The following IFFO2 variants were observed in gnomAD, a reference collection of about 807,000 sequenced individuals.
IFFO2 encodes intermediate filament family orphan 2.
In IFFO2, 19 loss-of-function variants were observed where a neutral mutation model predicts 53.5. The ratio of observed to expected loss-of-function variants is 0.36; its 90% CI spans 0.25 to 0.52. IFFO2 has a LOEUF of 0.52. Among genes scored for constraint, IFFO2 ranks in the 20% least tolerant of loss-of-function variants. The pLI is 0.94. For synonymous variants in IFFO2, 303 were observed against 313.6 expected, an observed-to-expected ratio of 0.97 and a Z score of 0.36; for missense variants, 570 against 727.4, an observed-to-expected ratio of 0.78 and a Z score of 2.49.
chr1:18,930,506 C>T (rs115797538), intron 1 of IFFO2, among the ~76,000 whole-genome samples: 1,954 of 152,306 alleles, frequency 0.013, 14 homozygotes, highest in Non-Finnish European at 0.021. Flanking sequence ...ACAGAACCCC[C>T]GTCAGCAAAA....
chr1:18,918,904 A>T lies in IFFO2; in HGVS notation c.823-402T>A, dbSNP rs1201989624. 6.6e-6 allele frequency among the ~76,000 whole-genome samples: 1 copy of T among 152,048 alleles called. No individual in the cohort carries two copies. Among genetic ancestry groups the T allele is most frequent in the Non-Finnish European group, 1.5e-5 (1 of 67,970 alleles). Reference sequence around the variant, plus strand: ...AGCTCTCTCTCCTGGATGCCTCCCAAGGCCGGCAGTGGGAGTCACTGAGGA... The same window carrying T: ...AGCTCTCTCTCCTGGATGCCTCCCATGGCCGGCAGTGGGAGTCACTGAGGA... On this transcript the variant is annotated intron_variant, in intron 3 of 8. Transcript: ENST00000455833. The surrounding 1 kb of genome is among the most constrained non-coding windows in gnomAD (Gnocchi z 5.2).
At chr1:18,927,085 G>A (rs1936312082) in intron 1 of IFFO2, among the ~76,000 whole-genome samples, 1 of 152,132 alleles carries the variant, frequency 6.6e-6, no homozygotes, top group Non-Finnish European at 1.5e-5. Flanking sequence ...TCTGTGAGTT[G>A]GGAAACCAGC....
chr1:18,918,993 G>C lies in IFFO2; in HGVS notation c.823-491C>G, dbSNP rs1936175304. ...CCCAGTGGCCTCCAACTAGGGTCCT[G>C]GGAGGCTTCTACCAACCACACCCAG... On this transcript the variant is annotated intron_variant, in intron 3 of 8. Coordinates refer to ENST00000455833, the MANE Select transcript of IFFO2 (RefSeq NM_001136265.2). This position sits in a 1 kb window ranked among gnomAD's most constrained non-coding sequence, Gnocchi z 5.2. 6.6e-6 allele frequency among the ~76,000 whole-genome samples: 1 copy of C among 152,084 alleles called. No individual in the cohort carries two copies. The highest frequency in any genetic ancestry group is 6.5e-5 in the Admixed American group (1 of 15,276).
In IFFO2 at chr1:18,955,949, G is replaced by A. The variant is rs1010336831; in HGVS notation, c.384C>T (p.Gly128=). Reference sequence around the variant, plus strand: ...CATTGGCGTTGGCGCCGGCCGCCGCGCCACTGCTGAGGCCGTGCCCGCCGC... The same window carrying A: ...CATTGGCGTTGGCGCCGGCCGCCGCACCACTGCTGAGGCCGTGCCCGCCGC... ...APGGGHGLSS[G]AAAGANANAV... Residue 128 remains glycine (G), a synonymous_variant, in exon 1 of 9, where the codon GGC becomes GGT. Transcript: ENST00000455833. 16 of 1,263,072 alleles carry A rather than the reference G, an allele frequency of 1.3e-5. No individual in the cohort carries two copies. The highest frequency in any genetic ancestry group is 1.6e-5 in the Non-Finnish European group (16 of 1,008,678). 78.2% of individuals were successfully genotyped at this position (1,263,072 alleles called of 1,614,324 possible). A position where few individuals can be genotyped will look rare whatever the true frequency, so the allele number is the denominator to read the frequency against.
At chr1:18,953,556 G>C (rs755938195) in intron 1 of IFFO2, among the ~76,000 whole-genome samples, 1 of 152,110 alleles carries the variant, frequency 6.6e-6, no homozygotes, top group Non-Finnish European at 1.5e-5. Context: ...TTCAAGGACC[G>C]CAATTCTAGC....
chr1:18,929,260 G>A (rs6674337), intron 1 of IFFO2, among the ~76,000 whole-genome samples: 49,354 of 152,120 alleles, frequency 0.32, 10,558 homozygotes, highest in African/African-American at 0.61. Flanking sequence ...GGATGGATCA[G>A]GAGAGCAGGC....
At chr1:18,922,116 A>C (rs1936224174) in intron 1 of IFFO2, among the ~76,000 whole-genome samples, 1 of 152,176 alleles carries the variant, frequency 6.6e-6, no homozygotes, top group African/African-American at 2.4e-5. Context: ...AGGGTGAGAT[A>C]GTGTGGAACT....
rs887361026 is a variant in IFFO2 at position 18,917,999 on chromosome 1, A to C, written c.963+363T>G. ...TTCCCCAACCGTGGGGATGATGCCC[A>C]GTTCTGGCACCCAGAGGAAGGGGCA... On this transcript the variant is annotated intron_variant, in intron 4 of 8. Transcript: ENST00000455833. This position sits in a 1 kb window ranked among gnomAD's most constrained non-coding sequence, Gnocchi z 5.9. Among the ~76,000 whole-genome samples the C allele has an allele frequency of 6.6e-6, 1 of 152,182 alleles. No homozygotes were observed. Among genetic ancestry groups the C allele is most frequent in the African/African-American group, 2.4e-5 (1 of 41,442 alleles).
chr1:18,945,006 C>A (rs944008275), intron 1 of IFFO2, among the ~76,000 whole-genome samples: 3 of 152,146 alleles, frequency 2.0e-5, no homozygotes, highest in African/African-American at 7.2e-5. Context: ...GGCTCAAGCC[C>A]GGGCACCAGG....
rs927813927 is a variant in IFFO2 at position 18,917,936 on chromosome 1, G to A, written c.963+426C>T. ...TCTGAGGCCCCTCTACCAGAGCTCA[G>A]GCCAGCTCCCCCACTTCTCCCCATA... On this transcript the variant is annotated intron_variant, in intron 4 of 8. Transcript: ENST00000455833. The surrounding 1 kb of genome is among the most constrained non-coding windows in gnomAD (Gnocchi z 5.9). Among the ~76,000 whole-genome samples the A allele has an allele frequency of 6.6e-6, 1 of 152,208 alleles. No individual in the cohort carries two copies. Among genetic ancestry groups the A allele is most frequent in the African/African-American group, 2.4e-5 (1 of 41,456 alleles).
In IFFO2 at chr1:18,935,919, T is replaced by C. The variant is rs571600252; in HGVS notation, c.666-14798A>G. 2.0e-5 allele frequency among the ~76,000 whole-genome samples: 3 copies of C among 147,514 alleles called. No homozygotes were observed. The South Asian group carries it at 6.6e-4, about 32-fold the overall frequency. On this transcript the variant is annotated intron_variant, in intron 1 of 8. Coordinates refer to ENST00000455833, the MANE Select transcript of IFFO2 (RefSeq NM_001136265.2). ...ACAAGGTCTCACTATGTTGCCCAGA[T>C]TGGTCTCAAACTCCTGGGCTGAAGC... is the stretch of plus-strand genomic sequence containing the variant.
chr1:18,923,337 C>T (rs761079710), intron 1 of IFFO2, among the ~76,000 whole-genome samples: 2 of 152,300 alleles, frequency 1.3e-5, no homozygotes, highest in East Asian at 1.9e-4. Flanking sequence ...ATGAGGAAGG[C>T]GAGGCAGGGG....
In IFFO2 at chr1:18,919,502, G is replaced by A. The variant is rs59133926; in HGVS notation, c.822+176C>T. ...AGGGAAGCAGAAGTGGGGAGGGGGC[G>A]GGAGGAGGGTGCCTGGTCTCCGATG... On this transcript the variant is annotated intron_variant, in intron 3 of 8. Coordinates refer to ENST00000455833, the MANE Select transcript of IFFO2 (RefSeq NM_001136265.2). The surrounding 1 kb of genome is among the most constrained non-coding windows in gnomAD (Gnocchi z 4.9). Among the ~76,000 whole-genome samples, 10,393 of 152,028 alleles carry A rather than the reference G, an allele frequency of 0.068. 941 individuals carry two copies. The highest frequency in any genetic ancestry group is 0.21 in the African/African-American group (8,525 of 41,412).
intron 2 of IFFO2, among the ~76,000 whole-genome samples, chr1:18,920,527 G>T (rs1936201948): frequency 6.6e-6 from 1 of 152,216 alleles, no homozygotes; most frequent in Non-Finnish European, 1.5e-5. Flanking sequence ...TGCTGCCCAG[G>T]TTACACCGCA....
chr1:18,949,992 G>C (rs538670434), intron 1 of IFFO2, among the ~76,000 whole-genome samples: 8 of 152,204 alleles, frequency 5.3e-5, no homozygotes, highest in Non-Finnish European at 1.0e-4. Flanking sequence ...TCTGAGAATC[G>C]CTCCCAAATT....
intron 1 of IFFO2, among the ~76,000 whole-genome samples, chr1:18,925,889 A>ATGGT (rs1936280623): frequency 3.7e-5 from 1 of 26,804 alleles, no homozygotes; most frequent in African/African-American, 1.6e-4. Flanking sequence ...GGATGGATGG[A>ATGGT]TGGATTGGAT....
At chr1:18,915,665 G>T (rs1936123346) in intron 5 of IFFO2, among the ~76,000 whole-genome samples, 1 of 152,104 alleles carries the variant, frequency 6.6e-6, no homozygotes, top group African/African-American at 2.4e-5. Context: ...CTACAAAAGG[G>T]GAGTGATACC....
intron 1 of IFFO2, among the ~76,000 whole-genome samples, chr1:18,934,164 C>T (rs1557645902): frequency 2.1e-5 from 3 of 144,408 alleles, no homozygotes. Context: ...ACCTCCTGGG[C>T]TCAAGCAATC....
chr1:18,949,111 C>T (rs917318525), intron 1 of IFFO2, among the ~76,000 whole-genome samples: 1 of 152,266 alleles, frequency 6.6e-6, no homozygotes, highest in African/African-American at 2.4e-5. Context: ...AGGCCCTCCC[C>T]TCCACAAACA....
Sources: gnomAD v4.1 joint callset for allele counts (sites outside exome capture counted in the v4.1 genomes callset) on GRCh38, gnomAD v4.1.1 for gene constraint, Gnocchi (gnomAD v3.1) non-coding constraint, MANE v1.5 for transcripts, NCBI Gene and HGNC (gene_info 2026-07-23, HGNC 2026-07-21) for gene names.